The following MEOX2 variants were observed in gnomAD, a reference collection of about 807,000 sequenced individuals.
MEOX2 encodes the protein homeobox protein MOX-2.
In MEOX2, 11 loss-of-function variants were observed where a neutral mutation model predicts 27.0. That is an observed-to-expected ratio of 0.41 (90% CI 0.26 to 0.68). The LOEUF (loss-of-function observed/expected upper bound fraction) is 0.68, where lower values mean the gene tolerates loss of function less well. Among genes scored for constraint, MEOX2 ranks in the 30% least tolerant of loss-of-function variants. MEOX2 has a pLI of 0.33. For synonymous variants in MEOX2, 189 were observed against 155.4 expected (o/e 1.22, Z -1.61); for missense variants, 436 against 385.4 (o/e 1.13, Z -1.10).
rs535284844 is a variant in MEOX2 at position 15,669,129 on chromosome 7, C to T, written c.517+16757G>A. Reference sequence around the variant, plus strand: ...ACACACCAATGACACCAATATCGTACGAGTAAAGTTTCAATATAAAAGTAA... The same window carrying T: ...ACACACCAATGACACCAATATCGTATGAGTAAAGTTTCAATATAAAAGTAA... On this transcript the variant is annotated intron_variant, in intron 1 of 2. Transcript: ENST00000262041. Among the ~76,000 whole-genome samples the T allele has an allele frequency of 3.9e-5, 6 of 152,274 alleles. No homozygotes were observed. In the East Asian group the frequency reaches 5.8e-4, roughly 15 times the overall value.
At chr7:15,619,782 A>T (rs1781191728) in intron 2 of MEOX2, among the ~76,000 whole-genome samples, 1 of 152,148 alleles carries the variant, frequency 6.6e-6, no homozygotes, top group East Asian at 1.9e-4. Context: ...AATAAAGGTA[A>T]CGTTTATTTT....
At chr7:15,661,011 TCAAAAAA>T (rs1781906165) in intron 1 of MEOX2, among the ~76,000 whole-genome samples, 1 of 5,838 alleles carries the variant, frequency 1.7e-4, no homozygotes, top group Non-Finnish European at 3.8e-4. Flanking sequence ...AGACTCAGTC[TCAAAAAA>T]AAAAAAAAAA....
chr7:15,613,255 G>A (rs561886268), intron 2 of MEOX2, among the ~76,000 whole-genome samples: 1 of 151,842 alleles, frequency 6.6e-6, no homozygotes, highest in Non-Finnish European at 1.5e-5. Context: ...CTCAACATTT[G>A]TTAAATGCTA....
At position 15,661,446 on chromosome 7, in the gene MEOX2, TG is replaced by T. The variant is rs982738291; in HGVS notation, c.517+24439del. On this transcript the variant is annotated intron_variant, in intron 1 of 2. Transcript: ENST00000262041. Reference sequence around the variant, plus strand: ...ATCAAATAGCTACCTACATAAACTATGGGGCCTGAATTTTGGAATGCGTTTT... The same window carrying T: ...ATCAAATAGCTACCTACATAAACTATGGGCCTGAATTTTGGAATGCGTTTT... 6.6e-4 allele frequency among the ~76,000 whole-genome samples: 100 copies of T among 152,234 alleles called. 1 individual carries two copies. Among genetic ancestry groups the T allele is most frequent in the Non-Finnish European group, 1.9e-4 (13 of 68,042 alleles).
intron 1 of MEOX2, among the ~76,000 whole-genome samples, chr7:15,678,456 T>A (rs1239025783): frequency 6.6e-6 from 1 of 152,208 alleles, no homozygotes; most frequent in Non-Finnish European, 1.5e-5. Context: ...CCTGTTTGTG[T>A]TACCTACCAA....
intron 1 of MEOX2, among the ~76,000 whole-genome samples, chr7:15,666,054 G>A (rs1781999742): frequency 6.6e-6 from 1 of 152,092 alleles, no homozygotes; most frequent in Non-Finnish European, 1.5e-5. Flanking sequence ...TTCAAATGTA[G>A]ACTGCAGGAA....
At chr7:15,631,906 A>ATGTGTGTGTGTGTGTGTGTGTGGG (rs1781408971) in intron 1 of MEOX2, among the ~76,000 whole-genome samples, 1 of 129,352 alleles carries the variant, frequency 7.7e-6, no homozygotes, top group African/African-American at 3.1e-5. Context: ...CCAAGGTTAA[A>ATGTGTGTGTGTGTGTGTGTGTGGG]TGTGTGTGTG....
chr7:15,624,049 T>C (rs1214640419), intron 2 of MEOX2, among the ~76,000 whole-genome samples: 1 of 152,248 alleles, frequency 6.6e-6, no homozygotes, highest in Non-Finnish European at 1.5e-5. Flanking sequence ...TATACAAATC[T>C]ACATAGAAGA....
At chr7:15,648,769 A>C (rs919365603) in intron 1 of MEOX2, among the ~76,000 whole-genome samples, 2 of 152,078 alleles carry the variant, frequency 1.3e-5, no homozygotes, top group African/African-American at 4.8e-5. Context: ...GCGCTTCAGA[A>C]TCTGAATCAA....
intron 1 of MEOX2, among the ~76,000 whole-genome samples, chr7:15,672,109 AC>A (rs1452247321): frequency 1.8e-4 from 27 of 151,658 alleles, no homozygotes; most frequent in African/African-American, 6.1e-4. Context: ...AACAAAAAAA[AC>A]AAAAAAACAA....
chr7:15,633,879 T>C (rs985396854), intron 1 of MEOX2, among the ~76,000 whole-genome samples: 2 of 151,916 alleles, frequency 1.3e-5, no homozygotes, highest in African/African-American at 4.8e-5. Context: ...CTTTACGATC[T>C]GATTATAGAT....
intron 1 of MEOX2, among the ~76,000 whole-genome samples, chr7:15,674,357 G>C (rs985634421): frequency 2.6e-5 from 4 of 152,028 alleles, no homozygotes; most frequent in African/African-American, 9.7e-5. Context: ...ACTAAATTAA[G>C]TGCAAGAGAC....
intron 1 of MEOX2, among the ~76,000 whole-genome samples, chr7:15,676,534 C>T (rs959615651): frequency 2.6e-5 from 4 of 152,024 alleles, no homozygotes; most frequent in Non-Finnish European, 4.4e-5. Flanking sequence ...AATTCTGTTT[C>T]CTCTTGACTA....
Position 15,652,470 on chromosome 7 carries a change from A to T in MEOX2, c.518-25552T>A, listed in dbSNP as rs1263542013. 2.0e-5 allele frequency among the ~76,000 whole-genome samples: 3 copies of T among 152,196 alleles called. No homozygotes were observed. In the East Asian group the frequency reaches 5.8e-4, roughly 29 times the overall value. ...TTTCCATTTTGAAAGCAGCAATAAC[A>T]CTGCCACATTGGAAAAGAAAATATC... On this transcript the variant is annotated intron_variant, in intron 1 of 2. Coordinates refer to ENST00000262041, the MANE Select transcript of MEOX2 (RefSeq NM_005924.5).
Position 15,612,677 on chromosome 7 carries a change from C to T in MEOX2, c.691-66G>A, listed in dbSNP as rs1317045543. ...ATAATTAAAGTGACATTTTTTTCTC[C>T]TTAGTGTCATCAATGAAAAGAAGTT... On this transcript the variant is annotated intron_variant, in intron 2 of 2. Transcript: ENST00000262041. 5.1e-6 allele frequency: 7 copies of T among 1,368,322 alleles called. No homozygotes were observed. The African/African-American group carries it at 7.2e-5, about 14-fold the overall frequency. 84.8% of individuals were successfully genotyped at this position (1,368,322 alleles called of 1,614,324 possible).
chr7:15,644,478 A>G (rs1781612952), intron 1 of MEOX2, among the ~76,000 whole-genome samples: 1 of 152,190 alleles, frequency 6.6e-6, no homozygotes, highest in Non-Finnish European at 1.5e-5. Context: ...CCTGAAACAG[A>G]GGAGGATGGA....
Position 15,686,268 on chromosome 7 carries a change from G to A in MEOX2, c.135C>T (p.Ser45=), listed in dbSNP as rs773744356. Reference sequence around the variant, plus strand: ...GGTATCCCGCGATTATGCAAGATGAGGAAGAAGTAGAGAGCTCGGGGTAAG... The same window carrying A: ...GGTATCCCGCGATTATGCAAGATGAAGAAGAAGTAGAGAGCTCGGGGTAAG... ...HMSYPELSTS[S]SSCIIAGYPN... Residue 45 remains serine (S), a synonymous_variant, in exon 1 of 3, where the codon TCC becomes TCT. Transcript: ENST00000262041. 29 of 1,613,030 alleles carry A rather than the reference G, an allele frequency of 1.8e-5. No homozygotes were observed. The East Asian group carries it at 2.9e-4, about 16-fold the overall frequency.
intron 2 of MEOX2, among the ~76,000 whole-genome samples, chr7:15,618,790 C>G (rs1781166285): frequency 6.6e-6 from 1 of 151,816 alleles, no homozygotes; most frequent in Non-Finnish European, 1.5e-5. Context: ...GATTTAGAGA[C>G]TATCACCTTA....
At chr7:15,667,325 A>AGGTGAGAG (rs1782025748) in intron 1 of MEOX2, among the ~76,000 whole-genome samples, 1 of 147,148 alleles carries the variant, frequency 6.8e-6, no homozygotes, top group Non-Finnish European at 1.5e-5. Flanking sequence ...AGGAAATAAG[A>AGGTGAGAG]GGTGAGAGGA....
Sources: gnomAD v4.1 joint callset for allele counts (sites outside exome capture counted in the v4.1 genomes callset) on GRCh38, gnomAD v4.1.1 for gene constraint, MANE v1.5 for transcripts, NCBI Gene and HGNC (gene_info 2026-07-23, HGNC 2026-07-21) for gene names.